SLC25A22: variants seen among roughly 807,000 people sequenced by gnomAD.
SLC25A22 encodes the protein mitochondrial glutamate carrier 1.
Under a neutral mutation model 33.7 loss-of-function variants are expected in SLC25A22, and 23 were observed. The observed-to-expected ratio is 0.68, with a 90% CI of 0.49 to 0.97. The LOEUF (loss-of-function observed/expected upper bound fraction) is 0.97. SLC25A22 is among the 50% of genes least tolerant of loss of function. The pLI, the probability that SLC25A22 is intolerant of heterozygous loss-of-function variation, is 0.00. For synonymous variants in SLC25A22, 245 were observed against 203.8 expected (o/e 1.20, Z -1.72); for missense variants, 390 against 451.1 (o/e 0.86, Z 1.23).
Position 792,900 on chromosome 11 carries a change from T to G in SLC25A22, c.382A>C (p.Lys128Gln), listed in dbSNP as rs1451917195. ...CGCCCTGCATCCTGCAGCTGGATCTTCAGCATCTCCATGGGCGTGGTCACG... is the reference window on the plus strand; with the variant it reads ...CGCCCTGCATCCTGCAGCTGGATCTGCAGCATCTCCATGGGCGTGGTCACG... ...VIVTTPMEML[K>Q]IQLQDAGRIA... The change falls in exon 6 of 10, where the codon AAG becomes CAG. Residue 128 changes from lysine to glutamine, a missense_variant. Lys to Gln is a moderately conservative substitution (Grantham distance 53, BLOSUM62 1). Coordinates refer to ENST00000628067, the MANE Select transcript of SLC25A22 (RefSeq NM_001191061.2). The G allele has an allele frequency of 1.3e-6, 2 of 1,588,420 alleles. No homozygotes were observed. The highest frequency in any genetic ancestry group is 1.7e-6 in the Non-Finnish European group (2 of 1,165,014).
chr11:796,482 TC>T (rs146778760), intron 1 of SLC25A22: 4,182 of 152,440 alleles, frequency 0.027, 199 homozygotes, highest in African/African-American at 0.095. Flanking sequence ...ACACATGTGT[TC>T]CTGTCTGCTG....
intron 4 of SLC25A22, 56 bp downstream of exon 4, chr11:794,402 A>G (rs1365664347): frequency 6.3e-7 from 1 of 1,588,414 alleles, no homozygotes; most frequent in African/African-American, 1.4e-5. Context: ...CCCTGCCACG[A>G]CTCGCGGGCG....
intron 1 of SLC25A22, chr11:797,988 A>AC (rs1864925194): frequency 2.5e-6 from 1 of 398,398 alleles, no homozygotes; most frequent in African/African-American, 2.1e-5. Flanking sequence ...CCTCGGGGAC[A>AC]CGTATGTGCG....
intron 4 of SLC25A22, chr11:794,101 C>T (rs1201045366): frequency 5.3e-6 from 3 of 567,566 alleles, no homozygotes; most frequent in Non-Finnish European, 9.9e-6. Flanking sequence ...TGGATTGTGT[C>T]CTAAGCTGCT....
Position 791,243 on chromosome 11 carries a change from C to G in SLC25A22, c.*672G>C, listed in dbSNP as rs1201296829. The G allele has an allele frequency of 6.1e-6, 1 of 164,028 alleles. No homozygotes were observed. Among genetic ancestry groups the G allele is most frequent in the African/African-American group, 2.4e-5 (1 of 41,514 alleles). 10.2% of individuals were successfully genotyped at this position (164,028 alleles called of 1,614,324 possible). Reference sequence around the variant, plus strand: ...CATACACACACACATGCACACAGACCTCACAATCTGGGCCCCAGCCTGGGG... The same window carrying G: ...CATACACACACACATGCACACAGACGTCACAATCTGGGCCCCAGCCTGGGG... On this transcript the variant is annotated 3_prime_UTR_variant, in exon 10 of 10. Transcript: ENST00000628067.
Position 795,087 on chromosome 11 carries a change from T to C in SLC25A22, c.-81A>G. 7.1e-7 allele frequency: 1 copy of C among 1,400,556 alleles called. No individual in the cohort carries two copies. Among genetic ancestry groups the C allele is most frequent in the Middle Eastern group, 2.2e-4 (1 of 4,608 alleles). 86.8% of individuals were successfully genotyped at this position (1,400,556 alleles called of 1,614,324 possible). On this transcript the variant is annotated 5_prime_UTR_variant, in exon 2 of 10. Transcript: ENST00000628067. ...GTGGAGGTGGAGGTGGAGGAGGCCTTGAGGGAGGGTGGGACCCAGGGGGGT... is the reference window on the plus strand; with the variant it reads ...GTGGAGGTGGAGGTGGAGGAGGCCTCGAGGGAGGGTGGGACCCAGGGGGGT...
At position 792,072 on chromosome 11, in the gene SLC25A22, TGGA is replaced by T. The variant is rs1232705193; in HGVS notation, c.819-7_819-5del. 1 of 1,598,482 alleles carries T rather than the reference TGGA, an allele frequency of 6.3e-7. No homozygotes were observed. The highest frequency in any genetic ancestry group is 8.5e-7 in the Non-Finnish European group (1 of 1,172,906). On this transcript the variant is annotated splice_region_variant and splice_polypyrimidine_tract_variant and intron_variant, in intron 9 of 9. Transcript: ENST00000628067. ...GCCCTCGTGCCGCAGGATCTTCCTG[TGGA>T]GGAAGGACGAAAGGGTCAGCCCGGT...
rs959835766 is a variant in SLC25A22, at chr11:791,660, G to C, written c.*255C>G. 3.5e-6 allele frequency: 2 copies of C among 565,448 alleles called. No individual in the cohort carries two copies. The highest frequency in any genetic ancestry group is 3.8e-5 in the African/African-American group (2 of 53,026). 35.0% of individuals were successfully genotyped at this position (565,448 alleles called of 1,614,324 possible). ...GGTGTTCAGGCCAGGGCAGGATTGG[G>C]GCAGGGGCTAGCTTGAGGAATGTAA... On this transcript the variant is annotated 3_prime_UTR_variant, in exon 10 of 10. Coordinates refer to ENST00000628067, the MANE Select transcript of SLC25A22 (RefSeq NM_001191061.2).
intron 6 of SLC25A22, 40 bp from the exon 7 acceptor site, chr11:792,767 C>G (rs1312657410): frequency 1.4e-5 from 22 of 1,546,504 alleles, no homozygotes; most frequent in Non-Finnish European, 1.8e-5. Context: ...TCTGTGCGAA[C>G]TGGGCAGGGG....
chr11:795,523 C>T lies in SLC25A22; in HGVS notation c.-163-354G>A, dbSNP rs564880628. 9 of 322,028 alleles carry T rather than the reference C, an allele frequency of 2.8e-5. No individual in the cohort carries two copies. In the East Asian group the frequency reaches 7.1e-4, roughly 25 times the overall value. 19.9% of individuals were successfully genotyped at this position (322,028 alleles called of 1,614,324 possible). A position where few individuals can be genotyped will look rare whatever the true frequency, so the allele number is the denominator to read the frequency against. ...GGCCAGGGTGCCTACCGGAGCACCT[C>T]GACCTGGACAGCTGTGGTGACCATC... On this transcript the variant is annotated intron_variant, in intron 1 of 9. Transcript: ENST00000628067.
Position 793,599 on chromosome 11 carries a change from G to C in SLC25A22, c.223C>G (p.Leu75Val). Residue 75 changes from leucine (L) to valine (V), a missense_variant, in exon 5 of 10, where the codon CTC becomes GTC. By Grantham distance (32) the Leu-to-Val change is conservative (BLOSUM62 1). Transcript: ENST00000628067. Reference sequence around the variant, plus strand: ...TTGATGGCCTTCTCGGGGGTGACGAGGGTCAAGTTCACAGCAGCTCCTGTG... The same window carrying C: ...TTGATGGCCTTCTCGGGGGTGACGACGGTCAAGTTCACAGCAGCTCCTGTG... ...MYRGAAVNLT[L>V]VTPEKAIKLA... The C allele has an allele frequency of 6.2e-7, 1 of 1,610,544 alleles. No individual in the cohort carries two copies. Among genetic ancestry groups the C allele is most frequent in the Non-Finnish European group, 8.5e-7 (1 of 1,179,974 alleles).
intron 5 of SLC25A22, 98 bp from the exon 6 acceptor site, chr11:793,086 C>G: frequency 8.5e-7 from 1 of 1,178,702 alleles, no homozygotes. Flanking sequence ...ATGGTGGGAG[C>G]CGTGGAGGCA....
chr11:795,100 G>C lies in SLC25A22; in HGVS notation c.-94C>G, dbSNP rs934844019. The C allele has an allele frequency of 3.9e-4, 300 of 765,316 alleles. No individual in the cohort carries two copies. The highest frequency in any genetic ancestry group is 5.4e-4 in the Non-Finnish European group (251 of 467,692). 47.4% of individuals were successfully genotyped at this position (765,316 alleles called of 1,614,324 possible). On this transcript the variant is annotated 5_prime_UTR_variant, in exon 2 of 10. Coordinates refer to ENST00000628067, the MANE Select transcript of SLC25A22 (RefSeq NM_001191061.2). ...TGGAGGAGGCCTTGAGGGAGGGTGG[G>C]ACCCAGGGGGGTTGGGTGGTGCTCC...
chr11:792,369 T>C lies in SLC25A22; in HGVS notation c.677A>G (p.Tyr226Cys). 1 of 1,613,170 alleles carries C rather than the reference T, an allele frequency of 6.2e-7. No homozygotes were observed. Among genetic ancestry groups the C allele is most frequent in the Non-Finnish European group, 8.5e-7 (1 of 1,179,918 alleles). ...CACACAGCCGGCCAGGAAGGACACG[T>C]AGAAAGGCGACTTCTCCTCGGACGC... ...RPASEEKSPFYVSFLAGCVAG... is the reference protein window; with the variant it reads ...RPASEEKSPFCVSFLAGCVAG... Residue 226 changes from tyrosine (Y) to cysteine (C), a missense_variant, in exon 8 of 10, where the codon TAC becomes TGC. Tyr to Cys is a radical substitution (Grantham distance 194). Coordinates refer to ENST00000628067, the MANE Select transcript of SLC25A22 (RefSeq NM_001191061.2).
At chr11:797,937 G>A (rs1382337388) in intron 1 of SLC25A22, 4 of 398,318 alleles carry the variant, frequency 1.0e-5, no homozygotes, top group African/African-American at 8.2e-5. Context: ...GTCCCACACG[G>A]GTCGGCCTTT....
chr11:795,289 G>A (rs534969093), intron 1 of SLC25A22, 120 bp from the exon 2 acceptor site: 14 of 588,464 alleles, frequency 2.4e-5, no homozygotes, highest in Admixed American at 1.3e-4. Flanking sequence ...CCGTCACTGC[G>A]TCCTGAGGGT....
At chr11:797,739 T>TC (rs1321910885) in intron 1 of SLC25A22, 2 of 398,646 alleles carry the variant, frequency 5.0e-6, no homozygotes, top group Non-Finnish European at 8.8e-6. Context: ...GGAAGGGGAC[T>TC]CCAACTGCGC....
rs1469862991 is a variant in SLC25A22, at chr11:790,490, T to C, written c.*1425A>G. On this transcript the variant is annotated 3_prime_UTR_variant, in exon 10 of 10. Transcript: ENST00000628067. ...GACAGCAGCATCTACTTAGAATATT[T>C]ATTTATTCTCTGACATGACAAGACA... 1 of 152,162 alleles carries C rather than the reference T, an allele frequency of 6.6e-6. No individual in the cohort carries two copies. Among genetic ancestry groups the C allele is most frequent in the Non-Finnish European group, 1.5e-5 (1 of 67,992 alleles). The allele number at this position is 152,162 out of a possible 1,614,324, so 9.4% of individuals were successfully genotyped here. A position where few individuals can be genotyped will look rare whatever the true frequency, so the allele number is the denominator to read the frequency against.
chr11:792,132 AC>A lies in SLC25A22; in HGVS notation c.818+9del, dbSNP rs1565035155. The A allele has an allele frequency of 1.2e-6, 2 of 1,611,642 alleles. No homozygotes were observed. The highest frequency in any genetic ancestry group is 1.7e-5 in the Admixed American group (1 of 59,876). On this transcript the variant is annotated intron_variant, in intron 9 of 9. Transcript: ENST00000628067. ...GCCCCCAGGCCCCACCCGCCGTGGGACCTCCCCACCTGGCACAGTCCAGGAT... is the reference window on the plus strand; with the variant it reads ...GCCCCCAGGCCCCACCCGCCGTGGGACTCCCCACCTGGCACAGTCCAGGAT...
Sources: allele counts gnomAD v4.1 joint callset, GRCh38; gene constraint gnomAD v4.1.1; transcripts MANE v1.5; gene names NCBI Gene and HGNC (gene_info 2026-07-23, HGNC 2026-07-21).